The following NNMT variants were observed in gnomAD, a reference collection of about 807,000 sequenced individuals.
NNMT encodes the protein nicotinamide N-methyltransferase.
In NNMT, 10 loss-of-function variants were observed where a neutral mutation model predicts 11.7. The observed-to-expected ratio is 0.85, with a 90% confidence interval of 0.53 to 1.45. NNMT has a LOEUF of 1.45. Among genes scored for constraint, NNMT ranks in the 40% most tolerant of loss-of-function variants. The pLI is 0.00. For synonymous variants in NNMT, 143 were observed against 133.8 expected (o/e 1.07, Z -0.48); for missense variants, 381 against 319.4 (o/e 1.19, Z -1.47).
intron 2 of NNMT, 137 bp from the exon 3 acceptor site, chr11:114,311,908 T>C: frequency 1.2e-6 from 1 of 825,914 alleles, no homozygotes; most frequent in Non-Finnish European, 1.9e-6. Flanking sequence ...TCAGTTCTTC[T>C]TTCTCTCCTT....
rs547847955 is a variant in NNMT, at chr11:114,279,623, A to G, written c.-130+16689A>G. Among the ~76,000 whole-genome samples, 3 of 152,308 alleles carry G rather than the reference A, an allele frequency of 2.0e-5. No individual in the cohort carries two copies. In the South Asian group the frequency reaches 6.2e-4, roughly 32 times the overall value. ...AATGATGTGATGTTTCATTTGGCTC[A>G]TTTGGCTCAAGGGTGGGCTCCCTAT... On this transcript the variant is annotated intron_variant, in intron 2 of 4. Coordinates refer to the NNMT transcript ENST00000535401.
chr11:114,306,748 G>A (rs1419290748), intron 2 of NNMT, among the ~76,000 whole-genome samples: 4 of 152,124 alleles, frequency 2.6e-5, no homozygotes, highest in Non-Finnish European at 5.9e-5. Flanking sequence ...TTTGGTTACT[G>A]TAGCCTTGTA....
chr11:114,280,347 G>A (rs1945250277), intron 2 of NNMT, among the ~76,000 whole-genome samples: 1 of 152,050 alleles, frequency 6.6e-6, no homozygotes. Flanking sequence ...ACAGCCAGAT[G>A]GTGGTGTGTG....
At chr11:114,262,633 C>T (rs1239459473) in intron 1 of NNMT, among the ~76,000 whole-genome samples, 1 of 152,100 alleles carries the variant, frequency 6.6e-6, no homozygotes, top group Non-Finnish European at 1.5e-5. Context: ...ACTCTCCTTG[C>T]CTCTGTGCGC....
At chr11:114,288,404 GT>G (rs537482357) in intron 2 of NNMT, among the ~76,000 whole-genome samples, 28 of 150,204 alleles carry the variant, frequency 1.9e-4, no homozygotes, top group Admixed American at 1.9e-3. Context: ...GGCAAGGATT[GT>G]TTTTGTTGTG....
chr11:114,303,132 C>G (rs1253475636), intron 2 of NNMT, among the ~76,000 whole-genome samples: 1 of 152,188 alleles, frequency 6.6e-6, no homozygotes, highest in African/African-American at 2.4e-5. Flanking sequence ...TCTTTCTTCT[C>G]TAGTGTTTTT....
chr11:114,284,466 T>G lies in NNMT; in HGVS notation c.-129-11962T>G, dbSNP rs529420950. On this transcript the variant is annotated intron_variant, in intron 2 of 4. Transcript: ENST00000535401. The stretch of plus-strand genomic sequence containing the variant: ...GGTTTTTTTTGTTTGTTTGTTTTTG[T>G]TTTTTGTTGCTGTTGTTTTTCTTGA... Among the ~76,000 whole-genome samples, 3 of 152,288 alleles carry G rather than the reference T, an allele frequency of 2.0e-5. No individual in the cohort carries two copies. In the South Asian group the frequency reaches 6.2e-4, roughly 32 times the overall value.
At chr11:114,288,648 G>A (rs1945315072) in intron 2 of NNMT, among the ~76,000 whole-genome samples, 1 of 152,106 alleles carries the variant, frequency 6.6e-6, no homozygotes, top group Non-Finnish European at 1.5e-5. Flanking sequence ...CCACTGTCTA[G>A]CAGCGTGACC....
At chr11:114,305,499 TC>T (rs1003321779) in intron 2 of NNMT, among the ~76,000 whole-genome samples, 1 of 97,360 alleles carries the variant, frequency 1.0e-5, no homozygotes, top group Admixed American at 1.1e-4. Context: ...CCATGCCCCC[TC>T]CCCCCACCCC....
intron 2 of NNMT, 62 bp downstream of exon 2, chr11:114,298,220 C>G (rs893384414): frequency 7.0e-7 from 1 of 1,433,464 alleles, no homozygotes; most frequent in African/African-American, 1.4e-5. Flanking sequence ...TTGGCAAAAG[C>G]AACAGACAGA....
At chr11:114,281,806 G>C (rs563559244) in intron 2 of NNMT, among the ~76,000 whole-genome samples, 1 of 152,152 alleles carries the variant, frequency 6.6e-6, no homozygotes. Flanking sequence ...TACAGGATTA[G>C]GGGAAATTGG....
At position 114,298,327 on chromosome 11, in the gene NNMT, T is replaced by C. The variant is rs1027481212; in HGVS notation, c.362+169T>C. 9.9e-6 allele frequency: 6 copies of C among 606,022 alleles called. No individual in the cohort carries two copies. The African/African-American group carries it at 1.1e-4, about 11-fold the overall frequency. The allele number at this position is 606,022 out of a possible 1,614,324, so 37.5% of individuals were successfully genotyped here. On this transcript the variant is annotated intron_variant, in intron 2 of 2. Coordinates refer to ENST00000299964, the MANE Select transcript of NNMT (RefSeq NM_006169.3). ...GCCCATGTGTGTGCATGTTAGTAAATTTGTGTATGTGCACGTGCATGTGTG... is the reference window on the plus strand; with the variant it reads ...GCCCATGTGTGTGCATGTTAGTAAACTTGTGTATGTGCACGTGCATGTGTG...
intron 2 of NNMT, among the ~76,000 whole-genome samples, chr11:114,269,977 A>C (rs918806999): frequency 6.6e-6 from 1 of 152,090 alleles, no homozygotes; most frequent in East Asian, 1.9e-4. Context: ...TGTAGAGTTT[A>C]AAAAATTCTA....
intron 2 of NNMT, among the ~76,000 whole-genome samples, chr11:114,285,000 C>T (rs543231863): frequency 2.0e-5 from 3 of 151,622 alleles, no homozygotes; most frequent in African/African-American, 7.3e-5. Context: ...ACTCCTGATC[C>T]GCCCACCTCA....
At chr11:114,300,746 G>A (rs1945430545) in intron 2 of NNMT, among the ~76,000 whole-genome samples, 1 of 152,130 alleles carries the variant, frequency 6.6e-6, no homozygotes, top group South Asian at 2.1e-4. Context: ...TCTTCTTGAT[G>A]AACTGACCAC....
intron 1 of NNMT, among the ~76,000 whole-genome samples, chr11:114,259,909 G>T (rs565271327): frequency 6.6e-6 from 1 of 152,164 alleles, no homozygotes; most frequent in Non-Finnish European, 1.5e-5. Flanking sequence ...TCCCAGGGAG[G>T]CAGGGTGGAG....
At chr11:114,262,764 A>C (rs182621599) in intron 1 of NNMT, 2 of 152,286 alleles carry the variant, frequency 1.3e-5, no homozygotes, top group Non-Finnish European at 2.9e-5. Flanking sequence ...CCTCAGAAAA[A>C]CACATACCCC....
At chr11:114,261,250 G>A (rs1945078050) in intron 1 of NNMT, among the ~76,000 whole-genome samples, 1 of 152,180 alleles carries the variant, frequency 6.6e-6, no homozygotes, top group Non-Finnish European at 1.5e-5. Flanking sequence ...TGCTGCTAAG[G>A]CCGCCTGGAA....
intron 2 of NNMT, among the ~76,000 whole-genome samples, chr11:114,274,145 A>G (rs1029262664): frequency 6.6e-6 from 1 of 152,232 alleles, no homozygotes; most frequent in South Asian, 2.1e-4. Flanking sequence ...TAGAGTCTGC[A>G]TTCCCAAGTG....
Sources: allele counts gnomAD v4.1 joint callset (sites outside exome capture counted in the v4.1 genomes callset), GRCh38; gene constraint gnomAD v4.1.1; transcripts MANE v1.5; gene names NCBI Gene and HGNC (gene_info 2026-07-23, HGNC 2026-07-21).